Variants in FIG4 observed in about 807,000 individuals in gnomAD.
FIG4 encodes FIG4 phosphoinositide 5-phosphatase.
Under a neutral mutation model 118.6 loss-of-function variants are expected in FIG4, and 112 were observed. That is an observed-to-expected ratio of 0.94 (90% CI 0.81 to 1.11). FIG4 has a LOEUF of 1.11. Ranked by LOEUF, FIG4 falls within the 50% of genes least tolerant of loss-of-function variation. The pLI, the probability that FIG4 is intolerant of heterozygous loss-of-function variation, is 0.00. For synonymous variants in FIG4, 369 were observed against 381.2 expected (o/e 0.97, Z 0.37); for missense variants, 969 against 1,111.7 (o/e 0.87, Z 1.83).
intron 11 of FIG4, 113 bp from the exon 12 acceptor site, chr6:109,761,978 A>C: frequency 1.4e-6 from 1 of 709,838 alleles, no homozygotes; most frequent in South Asian, 1.5e-5. Context: ...AAGAGATTTT[A>C]AAAATTACAT....
At chr6:109,815,235 C>T (rs548293662) in intron 22 of FIG4, among the ~76,000 whole-genome samples, 20 of 152,094 alleles carry the variant, frequency 1.3e-4, no homozygotes, top group Middle Eastern at 3.4e-3. Context: ...CAGACATGAA[C>T]GCCCTTCCTT....
At chr6:109,817,493 CT>C (rs1347157901) in intron 22 of FIG4, among the ~76,000 whole-genome samples, 1 of 151,476 alleles carries the variant, frequency 6.6e-6, no homozygotes, top group African/African-American at 2.4e-5. Context: ...AATCATCAAG[CT>C]TTATTTCTCT....
intron 22 of FIG4, 124 bp downstream of exon 22, chr6:109,796,975 C>T: frequency 1.4e-6 from 1 of 695,718 alleles, no homozygotes; most frequent in Non-Finnish European, 2.6e-6. Flanking sequence ...ACCAAAGTGT[C>T]TCCTTGTGGT....
At chr6:109,754,706 A>G (rs1776825847) in intron 10 of FIG4, among the ~76,000 whole-genome samples, 1 of 152,120 alleles carries the variant, frequency 6.6e-6, no homozygotes, top group Non-Finnish European at 1.5e-5. Flanking sequence ...CATTTCTTCT[A>G]GATTTTCTAG....
At chr6:109,701,652 G>A (rs1012045473) in intron 1 of FIG4, 2 of 470,030 alleles carry the variant, frequency 4.3e-6, no homozygotes, top group Middle Eastern at 3.2e-4. Context: ...TGCCTGCCTT[G>A]TTCCAAAAGG....
At chr6:109,796,686 T>G (rs1778296049) in intron 21 of FIG4, 79 bp from the exon 22 acceptor site, 4 of 852,220 alleles carry the variant, frequency 4.7e-6, no homozygotes, top group Non-Finnish European at 8.2e-6. Flanking sequence ...TTTGAAAGCT[T>G]ACACCATTTT....
intron 22 of FIG4, among the ~76,000 whole-genome samples, chr6:109,803,216 G>C (rs974304555): frequency 1.1e-4 from 16 of 152,222 alleles, no homozygotes; most frequent in African/African-American, 3.4e-4. Context: ...TGGAAGTAGT[G>C]TGGAGAGTGG....
rs1476656802 is a variant in FIG4, at chr6:109,743,658, T to C, written c.1040-17T>C. 8 of 1,599,096 alleles carry C rather than the reference T, an allele frequency of 5.0e-6. No homozygotes were observed. The highest frequency in any genetic ancestry group is 6.0e-6 in the Non-Finnish European group (7 of 1,167,762). On this transcript the variant is annotated splice_polypyrimidine_tract_variant and intron_variant, in intron 9 of 22. Coordinates refer to ENST00000230124, the MANE Select transcript of FIG4 (RefSeq NM_014845.6). Reference sequence around the variant, plus strand: ...CAATTTTCATTCAGGTGCTTTTTCATCTTTTTTCCTTCTCAGTGGATCAGG... The same window carrying C: ...CAATTTTCATTCAGGTGCTTTTTCACCTTTTTTCCTTCTCAGTGGATCAGG...
chr6:109,759,577 G>T (rs554159567), intron 10 of FIG4, among the ~76,000 whole-genome samples: 2 of 152,236 alleles, frequency 1.3e-5, no homozygotes, highest in Admixed American at 1.3e-4. Context: ...GAGTGGCAGA[G>T]TCACCATTCC....
chr6:109,731,037 A>G (rs1292629992), intron 4 of FIG4, among the ~76,000 whole-genome samples: 1 of 152,190 alleles, frequency 6.6e-6, no homozygotes, highest in Non-Finnish European at 1.5e-5. Flanking sequence ...AAAAAATACA[A>G]CATAACTGAG....
intron 10 of FIG4, among the ~76,000 whole-genome samples, chr6:109,750,516 C>T (rs754667458): frequency 4.6e-5 from 7 of 151,964 alleles, no homozygotes; most frequent in Non-Finnish European, 5.9e-5. Flanking sequence ...CACCTGTAGT[C>T]CCAGCTACTT....
intron 3 of FIG4, among the ~76,000 whole-genome samples, chr6:109,724,457 T>C (rs565309226): frequency 2.0e-5 from 3 of 152,188 alleles, no homozygotes; most frequent in Non-Finnish European, 4.4e-5. Flanking sequence ...TGAAACAGCA[T>C]TGAGAAATGT....
Position 109,696,683 on chromosome 6 carries a change from C to T in FIG4, c.66+5182C>T, listed in dbSNP as rs144146462. ...TCATTCACACGTGGGTGCTAAAAAA[C>T]GATGTTGAGCTTATAGAAGCAGAGA... On this transcript the variant is annotated intron_variant, in intron 1 of 22. Coordinates refer to ENST00000230124, the MANE Select transcript of FIG4 (RefSeq NM_014845.6). Among the ~76,000 whole-genome samples the T allele has an allele frequency of 3.1e-3, 469 of 152,152 alleles. 1 individual carries two copies. The highest frequency in any genetic ancestry group is 5.4e-3 in the Non-Finnish European group (365 of 68,014).
intron 1 of FIG4, among the ~76,000 whole-genome samples, chr6:109,698,828 A>G (rs1180857730): frequency 6.6e-6 from 1 of 152,226 alleles, no homozygotes; most frequent in Admixed American, 6.5e-5. Context: ...TTTTGGAGGT[A>G]TACCCTACTT....
At chr6:109,729,415 G>A (rs1775914639) in intron 4 of FIG4, among the ~76,000 whole-genome samples, 1 of 152,052 alleles carries the variant, frequency 6.6e-6, no homozygotes, top group South Asian at 2.1e-4. Context: ...TCAAGGTAAG[G>A]AACAATACAG....
At chr6:109,779,363 G>A (rs905230031) in intron 16 of FIG4, among the ~76,000 whole-genome samples, 1 of 152,134 alleles carries the variant, frequency 6.6e-6, no homozygotes, top group African/African-American at 2.4e-5. Context: ...AAAGGCAGGT[G>A]GTTTGAGAGT....
chr6:109,825,352 C>G lies in FIG4; in HGVS notation c.*87C>G, dbSNP rs1779130837. The G allele has an allele frequency of 2.4e-6, 3 of 1,266,062 alleles. No homozygotes were observed. In the Admixed American group the frequency reaches 5.5e-5, roughly 23 times the overall value. The allele number at this position is 1,266,062 out of a possible 1,614,324, so 78.4% of individuals were successfully genotyped here. On this transcript the variant is annotated 3_prime_UTR_variant, in exon 23 of 23. Coordinates refer to ENST00000230124, the MANE Select transcript of FIG4 (RefSeq NM_014845.6). Reference sequence around the variant, plus strand: ...TTCAAAAGGTAACTTATTAAAAGTCCTTTGCGTCTGAAGCCTTTCTCCTTT... The same window carrying G: ...TTCAAAAGGTAACTTATTAAAAGTCGTTTGCGTCTGAAGCCTTTCTCCTTT...
At chr6:109,702,575 C>G (rs989431107) in intron 1 of FIG4, among the ~76,000 whole-genome samples, 4 of 152,168 alleles carry the variant, frequency 2.6e-5, no homozygotes, top group Non-Finnish European at 4.4e-5. Flanking sequence ...TCGTAGGCAC[C>G]TACTTGCATG....
chr6:109,791,340 T>C, intron 19 of FIG4, 36 bp from the exon 20 acceptor site: 1 of 1,577,844 alleles, frequency 6.3e-7, no homozygotes, highest in Non-Finnish European at 8.7e-7. Flanking sequence ...AGGGTTAGTT[T>C]AAAGATGCTT....
Sources: allele counts gnomAD v4.1 joint callset (sites outside exome capture counted in the v4.1 genomes callset), GRCh38; gene constraint gnomAD v4.1.1; transcripts MANE v1.5; gene names NCBI Gene and HGNC (gene_info 2026-07-23, HGNC 2026-07-21).